Variants in SSBP3 observed in about 807,000 individuals in gnomAD.
The protein encoded by SSBP3 is single-stranded DNA-binding protein 3.
A neutral mutation model predicts 69.6 loss-of-function variants in SSBP3; 5 were observed. That is an observed-to-expected ratio of 0.07 (90% CI 0.04 to 0.15). The LOEUF is 0.15. Among genes scored for constraint, SSBP3 ranks in the 10% least tolerant of loss-of-function variants. The pLI, the probability that SSBP3 is intolerant of heterozygous loss-of-function variation, is 1.00. For missense variants in SSBP3, 312 were observed against 534.0 expected, an observed-to-expected ratio of 0.58 and a Z score of 4.10; for synonymous variants, 196 against 193.4, an observed-to-expected ratio of 1.01 and a Z score of -0.11.
chr1:54,376,536 T>A (rs1265248108), intron 4 of SSBP3, among the ~76,000 whole-genome samples: 1 of 152,214 alleles, frequency 6.6e-6, no homozygotes, highest in Non-Finnish European at 1.5e-5. Context: ...AAAACTCGTC[T>A]TTGGGGCAGG....
chr1:54,283,513 G>A (rs636576), intron 4 of SSBP3, among the ~76,000 whole-genome samples: 150,036 of 152,326 alleles, frequency 0.98, 73,895 homozygotes, highest in East Asian at 1. Flanking sequence ...GTTGTCCCAC[G>A]TCCTCACCAG....
Position 54,306,004 on chromosome 1 carries a change from C to T in SSBP3, c.277-24477G>A, listed in dbSNP as rs144665875. On this transcript the variant is annotated intron_variant, in intron 4 of 17. Transcript: ENST00000610401. Reference sequence around the variant, plus strand: ...ACTAACTTTGAGGGTCCAGGGGAAACACCACATTCCTCGGTAGCCCTTCCC... The same window carrying T: ...ACTAACTTTGAGGGTCCAGGGGAAATACCACATTCCTCGGTAGCCCTTCCC... 2.9e-3 allele frequency among the ~76,000 whole-genome samples: 434 copies of T among 151,828 alleles called. 4 individuals carry two copies. Among genetic ancestry groups the T allele is most frequent in the African/African-American group, 9.7e-3 (400 of 41,364 alleles).
At chr1:54,362,899 G>C (rs1471781813) in intron 4 of SSBP3, among the ~76,000 whole-genome samples, 1 of 152,110 alleles carries the variant, frequency 6.6e-6, no homozygotes, top group African/African-American at 2.4e-5. Flanking sequence ...TAAGAGCTGG[G>C]TGCTGCCCAG....
At chr1:54,336,303 C>A (rs1392985415) in intron 4 of SSBP3, among the ~76,000 whole-genome samples, 3 of 152,210 alleles carry the variant, frequency 2.0e-5, no homozygotes, top group Non-Finnish European at 4.4e-5. Context: ...AACATGGCCC[C>A]CCACGTTGGG....
chr1:54,239,251 T>G, intron 13 of SSBP3, 52 bp from the exon 14 acceptor site: 1 of 1,426,616 alleles, frequency 7.0e-7, no homozygotes, highest in Non-Finnish European at 9.7e-7. Flanking sequence ...GTTTCTTAAT[T>G]AAAACAAACT....
intron 4 of SSBP3, among the ~76,000 whole-genome samples, chr1:54,316,775 C>T (rs765124449): frequency 1.3e-5 from 2 of 151,566 alleles, no homozygotes; most frequent in Non-Finnish European, 2.9e-5. Flanking sequence ...AATACCTTCG[C>T]GTGGGTACTT....
At chr1:54,244,612 G>A (rs961056865) in intron 9 of SSBP3, among the ~76,000 whole-genome samples, 7 of 152,318 alleles carry the variant, frequency 4.6e-5, no homozygotes, top group East Asian at 1.9e-4. Flanking sequence ...AGCTCAGGAC[G>A]GCCCACTGAG....
intron 4 of SSBP3, among the ~76,000 whole-genome samples, chr1:54,396,904 G>A (rs962933106): frequency 6.6e-6 from 1 of 152,158 alleles, no homozygotes; most frequent in Non-Finnish European, 1.5e-5. Context: ...CACTGCTCGG[G>A]TGCTGGCAAA....
chr1:54,295,978 G>T (rs1020374392), intron 4 of SSBP3, among the ~76,000 whole-genome samples: 4 of 152,176 alleles, frequency 2.6e-5, no homozygotes, highest in Non-Finnish European at 4.4e-5. Context: ...CTCCCTGCAG[G>T]ACTGTTGGTT....
exon 1 of SSBP3, chr1:54,406,098 GC>G: frequency 7.3e-6 from 8 of 1,092,150 alleles, no homozygotes; most frequent in Non-Finnish European, 8.6e-6. Flanking sequence ...CTCGCTCCCG[GC>G]CCCCTCCCCG....
intron 13 of SSBP3, among the ~76,000 whole-genome samples, chr1:54,239,966 G>A (rs1644576357): frequency 6.6e-6 from 1 of 152,064 alleles, no homozygotes; most frequent in African/African-American, 2.4e-5. Context: ...TATTTTTGGG[G>A]TGGGTAAGGA....
chr1:54,282,727 C>G (rs781243177), intron 4 of SSBP3, among the ~76,000 whole-genome samples: 4 of 152,208 alleles, frequency 2.6e-5, no homozygotes, highest in Non-Finnish European at 5.9e-5. Context: ...CTGCTCCTTC[C>G]CACTGATTCT....
At chr1:54,306,607 A>G (rs921526321) in intron 4 of SSBP3, among the ~76,000 whole-genome samples, 5 of 152,178 alleles carry the variant, frequency 3.3e-5, no homozygotes, top group African/African-American at 1.2e-4. Context: ...TAGAAAGAAG[A>G]TAATAATACT....
At chr1:54,378,770 C>T (rs1557578103) in intron 4 of SSBP3, among the ~76,000 whole-genome samples, 1 of 152,054 alleles carries the variant, frequency 6.6e-6, no homozygotes, top group Admixed American at 6.5e-5. Flanking sequence ...AGGAAGGAAC[C>T]GCTGGGGGAG....
chr1:54,302,847 A>G (rs1342261306), intron 4 of SSBP3, among the ~76,000 whole-genome samples: 1 of 152,220 alleles, frequency 6.6e-6, no homozygotes, highest in African/African-American at 2.4e-5. Context: ...AGACCAAGTC[A>G]GTGCGGTCAA....
intron 4 of SSBP3, among the ~76,000 whole-genome samples, chr1:54,395,763 C>T (rs1440393397): frequency 2.0e-5 from 3 of 152,116 alleles, no homozygotes; most frequent in Non-Finnish European, 4.4e-5. Context: ...AAAGTGGAGA[C>T]TAGAATTCAC....
At chr1:54,264,273 G>C (rs1645064583) in intron 5 of SSBP3, among the ~76,000 whole-genome samples, 1 of 152,158 alleles carries the variant, frequency 6.6e-6, no homozygotes, top group African/African-American at 2.4e-5. Context: ...CTGCACTCTA[G>C]CCTGGGTGAC....
intron 4 of SSBP3, chr1:54,326,576 A>G (rs1646309444): frequency 1.3e-5 from 2 of 152,196 alleles, no homozygotes; most frequent in South Asian, 2.1e-4. Context: ...TGGCACTGGG[A>G]AAGGGCTCCA....
chr1:54,302,213 T>C (rs983842449), intron 4 of SSBP3, among the ~76,000 whole-genome samples: 46 of 152,200 alleles, frequency 3.0e-4, no homozygotes, highest in African/African-American at 1.0e-3. Context: ...TCTTCCTCAC[T>C]GTAGCACCTA....
Sources: gnomAD v4.1 joint callset for allele counts (sites outside exome capture counted in the v4.1 genomes callset) on GRCh38, gnomAD v4.1.1 for gene constraint, MANE v1.5 for transcripts, NCBI Gene and HGNC (gene_info 2026-07-23, HGNC 2026-07-21) for gene names.